The following SEC24B variants were observed in gnomAD, a reference collection of about 807,000 sequenced individuals.
The protein encoded by SEC24B is SEC24 homolog B, COPII component.
A neutral mutation model predicts 142.8 loss-of-function variants in SEC24B; 45 were observed. The observed-to-expected ratio is 0.32, with a 90% CI of 0.25 to 0.40. SEC24B has a LOEUF of 0.40. SEC24B is among the 10% of genes least tolerant of loss of function. The pLI is 1.00. For missense variants in SEC24B, 1,409 were observed against 1,526.8 expected, an observed-to-expected ratio of 0.92 and a Z score of 1.29; for synonymous variants, 574 against 568.2, an observed-to-expected ratio of 1.01 and a Z score of -0.15.
intron 6 of SEC24B, among the ~76,000 whole-genome samples, chr4:109,501,596 G>A (rs575048011): frequency 4.5e-4 from 69 of 152,172 alleles, no homozygotes; most frequent in African/African-American, 1.6e-3. Flanking sequence ...TCAGCCTCCC[G>A]AGTAACTGGG....
intron 6 of SEC24B, among the ~76,000 whole-genome samples, chr4:109,497,777 T>C (rs1735682332): frequency 1.3e-5 from 2 of 152,198 alleles, no homozygotes. Flanking sequence ...TTGTGAACAT[T>C]TCTGTCCCTG....
In SEC24B at chr4:109,491,418, T is replaced by C. The variant is rs771335613; in HGVS notation, c.1246+11T>C. ...GAGGCAGTTACCCAGGTAATTTGTTTTGTGCTTGCTTGATCTTCATTTTGA... is the reference window on the plus strand; with the variant it reads ...GAGGCAGTTACCCAGGTAATTTGTTCTGTGCTTGCTTGATCTTCATTTTGA... On this transcript the variant is annotated intron_variant, in intron 5 of 23. Coordinates refer to ENST00000265175, the MANE Select transcript of SEC24B (RefSeq NM_006323.5). 4.4e-6 allele frequency: 7 copies of C among 1,597,388 alleles called. No individual in the cohort carries two copies. The highest frequency in any genetic ancestry group is 2.2e-5 in the East Asian group (1 of 44,784).
intron 11 of SEC24B, among the ~76,000 whole-genome samples, chr4:109,519,332 T>C (rs1723352238): frequency 6.6e-6 from 1 of 152,166 alleles, no homozygotes; most frequent in African/African-American, 2.4e-5. Context: ...AAACCAAAAG[T>C]GTAAAACTGG....
rs1306515859 is a variant in SEC24B, at chr4:109,516,635, A to T, written c.2121A>T (p.Leu707=). The change falls in exon 11 of 24, where the codon CTA becomes CTT. Residue 707 remains leucine (L), a synonymous_variant. Transcript: ENST00000265175. ...TILCQSLLEN[L]DKLPGDSRTR... ...TGTGCCAGTCACTCCTAGAAAATCTAGACAAGTAAGAATATTTTTAATTCA... is the reference window on the plus strand; with the variant it reads ...TGTGCCAGTCACTCCTAGAAAATCTTGACAAGTAAGAATATTTTTAATTCA... 2 of 1,548,010 alleles carry T rather than the reference A, an allele frequency of 1.3e-6. No individual in the cohort carries two copies. Among genetic ancestry groups the T allele is most frequent in the Non-Finnish European group, 1.8e-6 (2 of 1,121,962 alleles).
intron 18 of SEC24B, among the ~76,000 whole-genome samples, chr4:109,529,644 C>A (rs559591362): frequency 6.6e-6 from 1 of 152,272 alleles, no homozygotes; most frequent in Non-Finnish European, 1.5e-5. Flanking sequence ...AAAAATGATA[C>A]ATGTGACTTG....
chr4:109,456,514 G>A (rs1730711495), intron 1 of SEC24B, among the ~76,000 whole-genome samples: 1 of 152,000 alleles, frequency 6.6e-6, no homozygotes, highest in Admixed American at 6.6e-5. Context: ...TTACCATTAA[G>A]TATGGTTTGC....
chr4:109,440,472 G>A (rs1197096275), intron 1 of SEC24B, among the ~76,000 whole-genome samples: 2 of 152,172 alleles, frequency 1.3e-5, no homozygotes, highest in African/African-American at 4.8e-5. Flanking sequence ...CCCTGGAGAA[G>A]CTACTATTTT....
chr4:109,457,392 T>C (rs760502720), intron 1 of SEC24B, among the ~76,000 whole-genome samples: 5 of 152,192 alleles, frequency 3.3e-5, no homozygotes, highest in Non-Finnish European at 5.9e-5. Context: ...TTCTCACAAT[T>C]CTGGAGGCTG....
At chr4:109,517,799 G>A (rs1723109147) in intron 11 of SEC24B, among the ~76,000 whole-genome samples, 1 of 152,120 alleles carries the variant, frequency 6.6e-6, no homozygotes. Flanking sequence ...AAATCTGGCT[G>A]TAATTTATGC....
At chr4:109,535,291 C>CTGTA (rs1725395293) in intron 22 of SEC24B, among the ~76,000 whole-genome samples, 1 of 152,156 alleles carries the variant, frequency 6.6e-6, no homozygotes, top group Non-Finnish European at 1.5e-5. Flanking sequence ...CTGTGGCTCA[C>CTGTA]ACCTGTAATC....
In SEC24B at chr4:109,539,860, A is replaced by G; in HGVS notation, c.*185A>G. ...AACTTGACAGATCTTTTTCAACTCA[A>G]ATTAATGGTAACGATGATGCTGTTT... On this transcript the variant is annotated 3_prime_UTR_variant, in exon 24 of 24. Transcript: ENST00000265175. The G allele has an allele frequency of 1.8e-6, 1 of 569,614 alleles. No homozygotes were observed. Among genetic ancestry groups the G allele is most frequent in the Non-Finnish European group, 3.1e-6 (1 of 324,702 alleles). 35.3% of individuals were successfully genotyped at this position (569,614 alleles called of 1,614,324 possible). A position where few individuals can be genotyped will look rare whatever the true frequency, so the allele number is the denominator to read the frequency against.
chr4:109,448,322 TA>T (rs1478734822), intron 1 of SEC24B, among the ~76,000 whole-genome samples: 1 of 152,166 alleles, frequency 6.6e-6, no homozygotes, highest in African/African-American at 2.4e-5. Flanking sequence ...ATCTGCTTTT[TA>T]GGAAAATCAC....
intron 14 of SEC24B, among the ~76,000 whole-genome samples, chr4:109,523,470 CA>C (rs537383034): frequency 6.9e-6 from 1 of 145,678 alleles, no homozygotes. Flanking sequence ...GACCCGGTCT[CA>C]AAAAAAAAGA....
chr4:109,452,868 CTTATTT>C (rs1185466866), intron 1 of SEC24B, among the ~76,000 whole-genome samples: 1 of 152,064 alleles, frequency 6.6e-6, no homozygotes, highest in Non-Finnish European at 1.5e-5. Flanking sequence ...ATGACTGTGT[CTTATTT>C]TTATTTTATT....
At chr4:109,478,209 C>T (rs1225927228) in intron 3 of SEC24B, among the ~76,000 whole-genome samples, 1 of 151,682 alleles carries the variant, frequency 6.6e-6, no homozygotes, top group East Asian at 1.9e-4. Flanking sequence ...TCACTTGAAC[C>T]GGGGAGGCAG....
chr4:109,493,210 A>G (rs918668500), intron 5 of SEC24B, among the ~76,000 whole-genome samples: 1 of 152,130 alleles, frequency 6.6e-6, no homozygotes, highest in African/African-American at 2.4e-5. Flanking sequence ...CCTAATCAGC[A>G]CAAGATGATA....
chr4:109,482,953 T>C (rs1214892421), intron 4 of SEC24B, among the ~76,000 whole-genome samples: 1 of 50,902 alleles, frequency 2.0e-5, no homozygotes, highest in Admixed American at 1.7e-4. Context: ...TATATATATA[T>C]ATATATATAT....
At chr4:109,473,210 A>G in intron 3 of SEC24B, 24 bp downstream of exon 3, 2 of 1,457,520 alleles carry the variant, frequency 1.4e-6, no homozygotes, top group East Asian at 2.5e-5. Flanking sequence ...TTATTATTGT[A>G]TATGCACACA....
At chr4:109,461,185 C>G (rs1380461732) in intron 1 of SEC24B, among the ~76,000 whole-genome samples, 1 of 152,122 alleles carries the variant, frequency 6.6e-6, no homozygotes, top group East Asian at 1.9e-4. Context: ...TCAAAGTTAA[C>G]TACTGTAAAC....
Sources: gnomAD v4.1 joint callset for allele counts (sites outside exome capture counted in the v4.1 genomes callset) on GRCh38, gnomAD v4.1.1 for gene constraint, MANE v1.5 for transcripts, NCBI Gene and HGNC (gene_info 2026-07-23, HGNC 2026-07-21) for gene names.